The following TMEM132B variants were observed in gnomAD, a reference collection of about 807,000 sequenced individuals.
TMEM132B encodes the protein transmembrane protein 132B.
In TMEM132B, 18 loss-of-function variants were observed where a neutral mutation model predicts 90.8. The observed-to-expected ratio is 0.20, with a 90% CI of 0.14 to 0.29. The LOEUF (loss-of-function observed/expected upper bound fraction) is 0.29, where lower values mean the gene tolerates loss of function less well. Ranked by LOEUF, TMEM132B falls within the 10% of genes least tolerant of loss-of-function variation. TMEM132B has a pLI of 1.00. For missense variants in TMEM132B, 1,096 were observed against 1,326.8 expected (o/e 0.83, Z 2.70); for synonymous variants, 504 against 523.3 (o/e 0.96, Z 0.50).
intron 3 of TMEM132B, among the ~76,000 whole-genome samples, chr12:125,470,086 A>G (rs1360668809): frequency 2.6e-5 from 4 of 152,222 alleles, no homozygotes; most frequent in Admixed American, 1.3e-4. Flanking sequence ...TCCATGGCTG[A>G]GCTGGACTTC....
chr12:125,443,888 C>T (rs542735958), intron 3 of TMEM132B, among the ~76,000 whole-genome samples: 7 of 151,486 alleles, frequency 4.6e-5, no homozygotes, highest in African/African-American at 1.5e-4. Flanking sequence ...AGTCGTGCAC[C>T]GTGAAATTGA....
chr12:125,290,271 A>G (rs1875501710), intron 1 of TMEM132B, among the ~76,000 whole-genome samples: 1 of 152,200 alleles, frequency 6.6e-6, no homozygotes, highest in Non-Finnish European at 1.5e-5. Flanking sequence ...GCTCTTATTG[A>G]TTTATGAAAC....
intron 5 of TMEM132B, among the ~76,000 whole-genome samples, chr12:125,631,647 T>A: frequency 6.6e-6 from 1 of 152,172 alleles, no homozygotes; most frequent in East Asian, 1.9e-4. Context: ...TAGTATTTGC[T>A]TTATATATCT....
intron 4 of TMEM132B, among the ~76,000 whole-genome samples, chr12:125,578,623 T>C (rs1836578015): frequency 6.6e-6 from 1 of 152,108 alleles, no homozygotes; most frequent in Admixed American, 6.5e-5. Flanking sequence ...TCTTGGAAGA[T>C]GAGTCTGTTA....
intron 1 of TMEM132B, among the ~76,000 whole-genome samples, chr12:125,250,844 G>A (rs1055527161): frequency 3.3e-5 from 5 of 152,208 alleles, no homozygotes; most frequent in Admixed American, 6.5e-5. Flanking sequence ...GGTCTGCTGG[G>A]TAAAAGGAAG....
chr12:125,324,650 G>A (rs148781561), intron 1 of TMEM132B, among the ~76,000 whole-genome samples: 1 of 152,258 alleles, frequency 6.6e-6, no homozygotes, highest in Non-Finnish European at 1.5e-5. Context: ...ACCCTATTGT[G>A]AACTGTGCAT....
intron 5 of TMEM132B, among the ~76,000 whole-genome samples, chr12:125,615,569 TA>T (rs1322791448): frequency 2.0e-5 from 3 of 152,216 alleles, no homozygotes; most frequent in African/African-American, 7.2e-5. Context: ...TGGTATTTTT[TA>T]AAATTTCTTT....
chr12:125,554,640 T>C (rs1884325849), intron 4 of TMEM132B, among the ~76,000 whole-genome samples: 1 of 151,904 alleles, frequency 6.6e-6, no homozygotes, highest in Non-Finnish European at 1.5e-5. Flanking sequence ...TAATGTGAGG[T>C]TTCTTGGCTG....
intron 1 of TMEM132B, among the ~76,000 whole-genome samples, chr12:125,303,943 T>C (rs1875893572): frequency 6.6e-6 from 1 of 152,242 alleles, no homozygotes; most frequent in Admixed American, 6.5e-5. Context: ...CTTTTCACTC[T>C]CTTGGTATAG....
chr12:125,236,718 T>G (rs564470649), intron 1 of TMEM132B, among the ~76,000 whole-genome samples: 25 of 152,330 alleles, frequency 1.6e-4, no homozygotes, highest in African/African-American at 6.0e-4. Context: ...CCTGCACCAC[T>G]TCAAGCTGTC....
rs551395272 is a variant in TMEM132B at position 125,621,116 on chromosome 12, A to G, written c.1438-22960A>G. Among the ~76,000 whole-genome samples the G allele has an allele frequency of 9.2e-4, 140 of 152,352 alleles. 1 individual carries two copies. Among genetic ancestry groups the G allele is most frequent in the African/African-American group, 3.2e-3 (135 of 41,592 alleles). On this transcript the variant is annotated intron_variant, in intron 5 of 8. Coordinates refer to ENST00000682704, the MANE Select transcript of TMEM132B (RefSeq NM_001366854.1). Reference sequence around the variant, plus strand: ...TTGTGGTGCCAGGTGTGCCAGAGACACATAGATAATTAAGACCTGATTTAT... The same window carrying G: ...TTGTGGTGCCAGGTGTGCCAGAGACGCATAGATAATTAAGACCTGATTTAT...
chr12:125,337,397 G>C (rs572780693), intron 1 of TMEM132B, among the ~76,000 whole-genome samples: 5 of 152,136 alleles, frequency 3.3e-5, no homozygotes, highest in Admixed American at 2.6e-4. Context: ...CAGGGCCGGG[G>C]CTCCTTCCAG....
chr12:125,398,324 G>C (rs567045911), intron 2 of TMEM132B, among the ~76,000 whole-genome samples: 11 of 152,170 alleles, frequency 7.2e-5, no homozygotes, highest in Admixed American at 1.3e-4. Flanking sequence ...GTATCTCATC[G>C]ATTGAAAACC....
At chr12:125,623,877 A>G (rs987351253) in intron 5 of TMEM132B, among the ~76,000 whole-genome samples, 2 of 152,316 alleles carry the variant, frequency 1.3e-5, no homozygotes, top group Admixed American at 1.3e-4. Flanking sequence ...CCTTTAAGAC[A>G]GTGACTTGTC....
chr12:125,229,485 A>G (rs867624481), intron 1 of TMEM132B, among the ~76,000 whole-genome samples: 36 of 152,236 alleles, frequency 2.4e-4, no homozygotes, highest in South Asian at 8.3e-4. Context: ...TGTGGTTGCC[A>G]TTAAGAGAAA....
chr12:125,345,757 G>A (rs1168780117), intron 1 of TMEM132B, among the ~76,000 whole-genome samples: 1 of 152,134 alleles, frequency 6.6e-6, no homozygotes, highest in Non-Finnish European at 1.5e-5. Context: ...GGGCCTCATT[G>A]CTCCTTCCTC....
intron 2 of TMEM132B, among the ~76,000 whole-genome samples, chr12:125,386,173 A>T (rs1731678460): frequency 1.3e-5 from 2 of 152,162 alleles, no homozygotes; most frequent in South Asian, 4.2e-4. Flanking sequence ...TTTTTTATAG[A>T]GATGGGGTTT....
intron 2 of TMEM132B, among the ~76,000 whole-genome samples, chr12:125,360,534 A>G (rs1877926802): frequency 6.6e-6 from 1 of 152,208 alleles, no homozygotes. Context: ...TGGTGCTGAA[A>G]TGAAGGAAGG....
intron 1 of TMEM132B, among the ~76,000 whole-genome samples, chr12:125,282,238 C>G (rs886636994): frequency 6.6e-6 from 1 of 152,002 alleles, no homozygotes; most frequent in African/African-American, 2.4e-5. Flanking sequence ...TCACACTGCC[C>G]AGCTCCCTGC....
Sources: allele counts gnomAD v4.1 joint callset (sites outside exome capture counted in the v4.1 genomes callset), GRCh38; gene constraint gnomAD v4.1.1; transcripts MANE v1.5; gene names NCBI Gene and HGNC (gene_info 2026-07-23, HGNC 2026-07-21).